The following UNC5C variants were observed in gnomAD, a reference collection of about 807,000 sequenced individuals.
UNC5C encodes the protein netrin receptor UNC5C.
Under a neutral mutation model 99.8 loss-of-function variants are expected in UNC5C, and 47 were observed. That is an observed-to-expected ratio of 0.47 (90% CI 0.37 to 0.60). UNC5C has a LOEUF of 0.60. UNC5C is among the 20% of genes least tolerant of loss of function. The probability of loss-of-function intolerance (pLI) is 0.00; values close to 1 mark genes in which losing one functional copy is unlikely to be tolerated. For synonymous variants in UNC5C, 487 were observed against 452.2 expected (o/e 1.08, Z -0.98); for missense variants, 1,062 against 1,165.9 (o/e 0.91, Z 1.30).
intron 2 of UNC5C, among the ~76,000 whole-genome samples, chr4:95,334,667 A>T (rs1743262763): frequency 6.6e-6 from 1 of 151,928 alleles, no homozygotes; most frequent in South Asian, 2.1e-4. Flanking sequence ...ATCTAATTGA[A>T]ATCCCACAGG....
Position 95,206,658 on chromosome 4 carries a change from G to C in UNC5C, c.1872C>G (p.Leu624=). The C allele has an allele frequency of 3.1e-6, 5 of 1,614,078 alleles. No homozygotes were observed. The highest frequency in any genetic ancestry group is 4.2e-6 in the Non-Finnish European group (5 of 1,180,024). The change falls in exon 11 of 16, where the codon CTC becomes CTG. Residue 624 remains leucine, a synonymous_variant. Coordinates refer to ENST00000453304, the MANE Select transcript of UNC5C (RefSeq NM_003728.4). The stretch of plus-strand genomic sequence containing the variant: ...ACTGTCCCTGTGCTGCCTGGTTCTT[G>C]AGCAGTATTTTCCAGTCCTCGGTAT... ...DPNTEDWKIL[L]KNQAAQGQWE...
intron 3 of UNC5C, among the ~76,000 whole-genome samples, chr4:95,294,499 C>T (rs1560774057): frequency 6.6e-6 from 1 of 152,172 alleles, no homozygotes; most frequent in Non-Finnish European, 1.5e-5. Flanking sequence ...AGGAGCCATC[C>T]TGCTGTTCCC....
At chr4:95,398,149 T>A (rs1411211643) in intron 1 of UNC5C, among the ~76,000 whole-genome samples, 2 of 143,378 alleles carry the variant, frequency 1.4e-5, no homozygotes, top group African/African-American at 5.2e-5. Context: ...CACATGCAAA[T>A]GAAAACACAG....
intron 1 of UNC5C, among the ~76,000 whole-genome samples, chr4:95,432,793 G>C (rs1263627182): frequency 6.6e-6 from 1 of 152,048 alleles, no homozygotes; most frequent in Non-Finnish European, 1.5e-5. Context: ...CAAGCACAAG[G>C]CTTCTAACAT....
chr4:95,376,367 C>A (rs1225696241), intron 1 of UNC5C, among the ~76,000 whole-genome samples: 1 of 151,996 alleles, frequency 6.6e-6, no homozygotes, highest in Non-Finnish European at 1.5e-5. Flanking sequence ...ATATTAGAGA[C>A]TAAAAGAAAA....
chr4:95,354,306 C>T (rs1350255908), intron 1 of UNC5C, among the ~76,000 whole-genome samples: 1 of 151,468 alleles, frequency 6.6e-6, no homozygotes, highest in Non-Finnish European at 1.5e-5. Context: ...GTCTATAGGG[C>T]CTCCATAGCT....
chr4:95,256,334 C>G (rs1461944558), intron 4 of UNC5C, among the ~76,000 whole-genome samples: 1 of 152,104 alleles, frequency 6.6e-6, no homozygotes, highest in Non-Finnish European at 1.5e-5. Context: ...AACCGCCTTT[C>G]CAAACCTGCT....
At chr4:95,316,446 C>T (rs1178909233) in intron 2 of UNC5C, among the ~76,000 whole-genome samples, 2 of 152,156 alleles carry the variant, frequency 1.3e-5, no homozygotes, top group Admixed American at 6.5e-5. Context: ...CCCACCCTCT[C>T]ATAGGCGCTT....
At chr4:95,218,527 T>C (rs1738343603) in intron 9 of UNC5C, among the ~76,000 whole-genome samples, 1 of 152,230 alleles carries the variant, frequency 6.6e-6, no homozygotes, top group Non-Finnish European at 1.5e-5. Context: ...ATTTGATGTC[T>C]ATTATGATAC....
chr4:95,356,532 A>G (rs963716976), intron 1 of UNC5C, among the ~76,000 whole-genome samples: 1 of 152,140 alleles, frequency 6.6e-6, no homozygotes. Flanking sequence ...AGTGTGTTTA[A>G]GTGAGCTGAT....
intron 3 of UNC5C, 40 bp from the exon 4 acceptor site, chr4:95,278,402 C>A: frequency 1.3e-6 from 2 of 1,533,912 alleles, no homozygotes; most frequent in Non-Finnish European, 9.0e-7. Flanking sequence ...CAAAATTAAA[C>A]AACATTTTCT....
At chr4:95,198,050 C>T (rs1359539008) in intron 12 of UNC5C, among the ~76,000 whole-genome samples, 2 of 144,016 alleles carry the variant, frequency 1.4e-5, no homozygotes, top group Non-Finnish European at 1.5e-5. Context: ...TGCCGTGGTG[C>T]GATCTCTGCT....
At chr4:95,332,852 A>G (rs1193254301) in intron 2 of UNC5C, among the ~76,000 whole-genome samples, 1 of 152,132 alleles carries the variant, frequency 6.6e-6, no homozygotes, top group Non-Finnish European at 1.5e-5. Flanking sequence ...CAGAATCTCA[A>G]TGAACTCAAA....
Position 95,266,161 on chromosome 4 carries a change from A to G in UNC5C, c.594+12098T>C, listed in dbSNP as rs114398158. On this transcript the variant is annotated intron_variant, in intron 4 of 15. Transcript: ENST00000453304. ...TTTACCACTGCACAGGACTATAGGT[A>G]GTGGTTTATGAGTCTTCATACATAA... Among the ~76,000 whole-genome samples, 467 of 152,344 alleles carry G rather than the reference A, an allele frequency of 3.1e-3. 3 individuals carry two copies. The highest frequency in any genetic ancestry group is 4.6e-3 in the Non-Finnish European group (311 of 68,036).
At chr4:95,210,824 C>T (rs1355192513) in intron 10 of UNC5C, among the ~76,000 whole-genome samples, 2 of 152,142 alleles carry the variant, frequency 1.3e-5, no homozygotes, top group Non-Finnish European at 2.9e-5. Flanking sequence ...TTGTCATTAT[C>T]AGTGAGGAGA....
intron 12 of UNC5C, among the ~76,000 whole-genome samples, chr4:95,188,168 A>G (rs1021700666): frequency 6.6e-6 from 1 of 152,080 alleles, no homozygotes; most frequent in Non-Finnish European, 1.5e-5. Context: ...TAAACTCCAT[A>G]TTGGAGACTG....
At chr4:95,490,269 GA>G (rs1422767974) in intron 1 of UNC5C, among the ~76,000 whole-genome samples, 1 of 151,226 alleles carries the variant, frequency 6.6e-6, no homozygotes, top group African/African-American at 2.4e-5. Context: ...ATCACTGAAA[GA>G]AAAAAAGGCA....
intron 1 of UNC5C, among the ~76,000 whole-genome samples, chr4:95,404,019 A>G (rs534761658): frequency 6.6e-6 from 1 of 152,338 alleles, no homozygotes; most frequent in East Asian, 1.9e-4. Context: ...CCTGGGAGGG[A>G]AAAACCAAAA....
At chr4:95,546,910 G>A (rs1407885505) in intron 1 of UNC5C, among the ~76,000 whole-genome samples, 4 of 152,026 alleles carry the variant, frequency 2.6e-5, no homozygotes, top group African/African-American at 9.7e-5. Context: ...TTCCCAAACA[G>A]TTCTCTCACC....
Sources: gnomAD v4.1 joint callset for allele counts (sites outside exome capture counted in the v4.1 genomes callset) on GRCh38, gnomAD v4.1.1 for gene constraint, MANE v1.5 for transcripts, NCBI Gene and HGNC (gene_info 2026-07-23, HGNC 2026-07-21) for gene names.